Variants in FOXO3B observed in about 807,000 individuals in gnomAD.
The protein encoded by FOXO3B is forkhead box O3B.
FOXO3B carries 15 observed loss-of-function variants against 21.9 expected under a neutral mutation model. The observed-to-expected ratio is 0.68, with a 90% CI of 0.46 to 1.05. The LOEUF (loss-of-function observed/expected upper bound fraction) is 1.05, where lower values mean the gene tolerates loss of function less well. FOXO3B is among the 50% of genes least tolerant of loss of function. FOXO3B has a pLI of 0.00. For synonymous variants in FOXO3B, 135 were observed against 213.6 expected (o/e 0.63, Z 3.21); for missense variants, 293 against 435.5 (o/e 0.67, Z 2.91).
At chr17:18,677,348 G>T in intron 3 of FOXO3B, 1 of 1,613,290 alleles carries the variant, frequency 6.2e-7, no homozygotes, top group South Asian at 1.1e-5. Flanking sequence ...TCTTCCACCC[G>T]AACTTGGGCG....
rs2032342993 is a variant in FOXO3B at position 18,670,523 on chromosome 17, C to A, written c.*1786G>T. On this transcript the variant is annotated 3_prime_UTR_variant, in exon 4 of 4. Transcript: ENST00000395675. Reference sequence around the variant, plus strand: ...AGTCAAAGGAAAACAAACACAAGAACAACACTTAAAACATCCCATAAACCA... The same window carrying A: ...AGTCAAAGGAAAACAAACACAAGAAAAACACTTAAAACATCCCATAAACCA... Among the ~76,000 whole-genome samples the A allele has an allele frequency of 1.3e-5, 2 of 152,204 alleles. No homozygotes were observed. Among genetic ancestry groups the A allele is most frequent in the Non-Finnish European group, 2.9e-5 (2 of 68,032 alleles).
Position 18,670,648 on chromosome 17 carries a change from G to A in FOXO3B, c.*1661C>T, listed in dbSNP as rs752258504. ...GGGGTGCTGTCCTCCACTGGCAGGC[G>A]GCTCACCACCCTGTACAAAGAAGAT... On this transcript the variant is annotated 3_prime_UTR_variant, in exon 4 of 4. Transcript: ENST00000395675. Among the ~76,000 whole-genome samples, 1 of 152,182 alleles carries A rather than the reference G, an allele frequency of 6.6e-6. No homozygotes were observed. The highest frequency in any genetic ancestry group is 1.5e-5 in the Non-Finnish European group (1 of 68,048).
intron 3 of FOXO3B, among the ~76,000 whole-genome samples, chr17:18,675,226 G>C (rs1431134569): frequency 6.6e-6 from 1 of 150,862 alleles, no homozygotes; most frequent in East Asian, 1.9e-4. Context: ...ATGTAACCTT[G>C]GATTAATGAA....
At chr17:18,674,625 C>CAAAAAA (rs1191825847) in intron 3 of FOXO3B, among the ~76,000 whole-genome samples, 3 of 50,512 alleles carry the variant, frequency 5.9e-5, no homozygotes, top group Non-Finnish European at 1.0e-4. Flanking sequence ...GACTCCATCT[C>CAAAAAA]AAAAAAAAAA....
chr17:18,674,639 A>AAAG lies in FOXO3B; in HGVS notation c.127-1585_127-1584insCTT, dbSNP rs61684359. Among the ~76,000 whole-genome samples the AAAG allele has an allele frequency of 5.7e-3, 693 of 121,364 alleles. 18 individuals carry two copies. The highest frequency in any genetic ancestry group is 0.022 in the African/African-American group (636 of 28,484). 79.6% of individuals were successfully genotyped at this position (121,364 alleles called of 152,430 possible). A position where few individuals can be genotyped will look rare whatever the true frequency, so the allele number is the denominator to read the frequency against. On this transcript the variant is annotated intron_variant, in intron 3 of 3. Coordinates refer to ENST00000395675, the MANE Select transcript of FOXO3B (RefSeq NM_001368135.1). ...AGACTCCATCTCAAAAAAAAAAAAA[A>AAAG]GGGGGGGGGGAGATTACAGACAAAT...
In FOXO3B at chr17:18,672,618, G is replaced by A; in HGVS notation, c.564C>T (p.Pro188=). ...GCCCAGACCCGGGGTCTTGCCCTCC[G>A]GGTGCCAGCACCCGGACCGAGTCCT... is the stretch of plus-strand genomic sequence containing the variant. ...LLEDSVRVLA[P]GGQDPGSGPA... The change falls in exon 4 of 4, where the codon CCC becomes CCT. Residue 188 remains proline, a synonymous_variant. Coordinates refer to ENST00000395675, the MANE Select transcript of FOXO3B (RefSeq NM_001368135.1). This position sits in a 1 kb window ranked among gnomAD's most constrained non-coding sequence, Gnocchi z 4.2. The A allele has an allele frequency of 6.9e-7, 1 of 1,441,872 alleles. No homozygotes were observed. The allele number at this position is 1,441,872 out of a possible 1,614,324, so 89.3% of individuals were successfully genotyped here.
intron 3 of FOXO3B, among the ~76,000 whole-genome samples, chr17:18,674,696 TG>T (rs34438371): frequency 6.7e-6 from 1 of 148,722 alleles, no homozygotes; most frequent in South Asian, 2.1e-4. Context: ...TGAAAAAAAC[TG>T]GAAGTGTACT....
chr17:18,677,667 G>A, intron 3 of FOXO3B: 1 of 1,607,036 alleles, frequency 6.2e-7, no homozygotes, highest in Non-Finnish European at 8.5e-7. Context: ...AGGGGCTGAG[G>A]GTCCCATGGC....
chr17:18,682,242 G>A lies in FOXO3B; in HGVS notation c.-234C>T. The A allele has an allele frequency of 1.5e-6, 1 of 670,586 alleles. No individual in the cohort carries two copies. The highest frequency in any genetic ancestry group is 1.5e-5 in the South Asian group (1 of 67,046). 41.5% of individuals were successfully genotyped at this position (670,586 alleles called of 1,614,324 possible). The stretch of plus-strand genomic sequence containing the variant: ...CCTCACAAAGGGGACGAACTTCTTT[G>A]GCCAGCTCGGAGTCGCGCATGAGTA... On this transcript the variant is annotated 5_prime_UTR_variant, in exon 1 of 4. An upstream open reading frame in the 5' UTR gains an earlier in-frame stop. Transcript: ENST00000395675.
rs2032319464 is a variant in FOXO3B, at chr17:18,669,227, G to C, written c.*3082C>G. 2.1e-5 allele frequency: 3 copies of C among 139,972 alleles called. No individual in the cohort carries two copies. Among genetic ancestry groups the C allele is most frequent in the Non-Finnish European group, 3.0e-5 (2 of 65,808 alleles). The allele number at this position is 139,972 out of a possible 1,614,324, so 8.7% of individuals were successfully genotyped here. On this transcript the variant is annotated 3_prime_UTR_variant, in exon 4 of 4. Transcript: ENST00000395675. ...ACAAGGGGGCCCCTGGTGGCCGGTG[G>C]TGTGTGCAGGGGGTTGGGTGGCACG...
At chr17:18,674,639 A>AAG (rs61684359) in intron 3 of FOXO3B, among the ~76,000 whole-genome samples, 8 of 121,450 alleles carry the variant, frequency 6.6e-5, no homozygotes, top group Non-Finnish European at 8.3e-5. Context: ...AAAAAAAAAA[A>AAG]GGGGGGGGGG....
In FOXO3B at chr17:18,669,024, T is replaced by C. The variant is rs1244639832; in HGVS notation, c.*3285A>G. ...GTGCTACAGTCTACTATAACCACAA[T>C]TGCACAACAATTTACAGATTCAGTA... On this transcript the variant is annotated 3_prime_UTR_variant, in exon 4 of 4. Coordinates refer to ENST00000395675, the MANE Select transcript of FOXO3B (RefSeq NM_001368135.1). The C allele has an allele frequency of 6.6e-6, 1 of 150,576 alleles. No homozygotes were observed. The highest frequency in any genetic ancestry group is 1.5e-5 in the Non-Finnish European group (1 of 67,672). 9.3% of individuals were successfully genotyped at this position (150,576 alleles called of 1,614,324 possible).
At chr17:18,673,233 A>T (rs2032414879) in intron 3 of FOXO3B, among the ~76,000 whole-genome samples, 178 bp from the exon 4 acceptor site, 1 of 144,120 alleles carries the variant, frequency 6.9e-6, no homozygotes, top group South Asian at 2.1e-4. Context: ...GTTTTTTAAT[A>T]AAAAAATATA....
At chr17:18,674,396 A>T (rs534369617) in intron 3 of FOXO3B, among the ~76,000 whole-genome samples, 186 of 149,912 alleles carry the variant, frequency 1.2e-3, no homozygotes, top group Middle Eastern at 3.4e-3. Flanking sequence ...GAGGCCAAGG[A>T]GGGCGGATCA....
At position 18,671,251 on chromosome 17, in the gene FOXO3B, A is replaced by G; in HGVS notation, c.*1058T>C. On this transcript the variant is annotated 3_prime_UTR_variant, in exon 4 of 4. Transcript: ENST00000395675. ...GACCCAAGGCTGCTGGACTCACTCAAGCCCATGTTGCTGACAGAATTCGAC... is the reference window on the plus strand; with the variant it reads ...GACCCAAGGCTGCTGGACTCACTCAGGCCCATGTTGCTGACAGAATTCGAC... The G allele has an allele frequency of 7.8e-7, 1 of 1,285,638 alleles. No individual in the cohort carries two copies. Among genetic ancestry groups the G allele is most frequent in the Non-Finnish European group, 1.1e-6 (1 of 883,914 alleles). 79.6% of individuals were successfully genotyped at this position (1,285,638 alleles called of 1,614,324 possible).
chr17:18,671,382 G>A lies in FOXO3B; in HGVS notation c.*927C>T, dbSNP rs2032360230. On this transcript the variant is annotated 3_prime_UTR_variant, in exon 4 of 4. Transcript: ENST00000395675. ...AGGCTGGGCAGCAAAGGACATCATCGGATCATTGCGAAGCATCACGTTCCG... is the reference window on the plus strand; with the variant it reads ...AGGCTGGGCAGCAAAGGACATCATCAGATCATTGCGAAGCATCACGTTCCG... 3.1e-6 allele frequency: 5 copies of A among 1,613,558 alleles called. No homozygotes were observed. The highest frequency in any genetic ancestry group is 1.3e-5 in the African/African-American group (1 of 74,888).
chr17:18,672,703 G>T lies in FOXO3B; in HGVS notation c.479C>A (p.Ser160Ter), dbSNP rs930514959. ...DDEDGGGRAG[S>*]AMAIGGGGGS... ...GCCGCCGCCGCCGATCGCCATGGCC[G>T]AGCCGGCCCGTCCCCCGCCGTCCTC... The change falls in exon 4 of 4, where the codon TCG (serine) becomes TAG (stop). Residue 160 changes from serine (S) to a stop codon, truncating the protein, a stop_gained. Transcript: ENST00000395675. LOFTEE classifies it high-confidence loss of function. This position sits in a 1 kb window ranked among gnomAD's most constrained non-coding sequence, Gnocchi z 4.2. The T allele has an allele frequency of 3.9e-6, 6 of 1,527,668 alleles. No homozygotes were observed. In the African/African-American group the frequency reaches 6.2e-5, roughly 16 times the overall value. 94.6% of individuals were successfully genotyped at this position (1,527,668 alleles called of 1,614,324 possible). A position where few individuals can be genotyped will look rare whatever the true frequency, so the allele number is the denominator to read the frequency against.
At chr17:18,674,809 T>A (rs1222006838) in intron 3 of FOXO3B, among the ~76,000 whole-genome samples, 1 of 152,198 alleles carries the variant, frequency 6.6e-6, no homozygotes, top group Non-Finnish European at 1.5e-5. Flanking sequence ...GTATGCATTT[T>A]CTAGGGCTGC....
rs560090470 is a variant in FOXO3B, at chr17:18,672,579, C to G, written c.603G>C (p.Ala201=). The stretch of plus-strand genomic sequence containing the variant: ...CCTGTGTACCCCCGCTCAGCCCGCC[C>G]GCCGCGGTGGCTGGCCCAGACCCGG... ...QDPGSGPATA[A]GGLSGGTQAL... The change falls in exon 4 of 4, where the codon GCG becomes GCC. Residue 201 remains alanine (A), a synonymous_variant. Coordinates refer to ENST00000395675, the MANE Select transcript of FOXO3B (RefSeq NM_001368135.1). The surrounding 1 kb of genome is among the most constrained non-coding windows in gnomAD (Gnocchi z 4.2). The G allele has an allele frequency of 3.9e-4, 561 of 1,435,116 alleles. 2 individuals are homozygous for G. The highest frequency in any genetic ancestry group is 3.1e-3 in the Middle Eastern group (12 of 3,878). 88.9% of individuals were successfully genotyped at this position (1,435,116 alleles called of 1,614,324 possible).
Sources: gnomAD v4.1 joint callset for allele counts (sites outside exome capture counted in the v4.1 genomes callset) on GRCh38, gnomAD v4.1.1 for gene constraint, Gnocchi (gnomAD v3.1) non-coding constraint, MANE v1.5 for transcripts, NCBI Gene and HGNC (gene_info 2026-07-23, HGNC 2026-07-21) for gene names.